The following TMTC4 variants were observed in gnomAD, a reference collection of about 807,000 sequenced individuals.
TMTC4 encodes the protein protein O-mannosyl-transferase TMTC4.
TMTC4 carries 65 observed loss-of-function variants against 86.0 expected under a neutral mutation model. That is an observed-to-expected ratio of 0.76 (90% confidence interval 0.62 to 0.93). The LOEUF (loss-of-function observed/expected upper bound fraction) is 0.93, where lower values mean the gene tolerates loss of function less well. Among genes scored for constraint, TMTC4 ranks in the 40% least tolerant of loss-of-function variants. The pLI, the probability that TMTC4 is intolerant of heterozygous loss-of-function variation, is 0.00. For missense variants in TMTC4, 866 were observed against 948.1 expected (o/e 0.91, Z 1.14); for synonymous variants, 379 against 382.5 (o/e 0.99, Z 0.11).
chr13:100,609,696 C>CACAT (rs1877255180), intron 17 of TMTC4, among the ~76,000 whole-genome samples: 1 of 151,854 alleles, frequency 6.6e-6, no homozygotes, highest in African/African-American at 2.4e-5. Flanking sequence ...CACACACACA[C>CACAT]ACACACCCAT....
chr13:100,659,855 G>A (rs936987696), intron 5 of TMTC4, among the ~76,000 whole-genome samples: 11 of 148,682 alleles, frequency 7.4e-5, no homozygotes, highest in African/African-American at 2.8e-4. Flanking sequence ...GGCTGTCGTT[G>A]CTTTAAAATG....
chr13:100,619,852 A>G (rs1396737279), intron 15 of TMTC4, among the ~76,000 whole-genome samples: 2 of 152,364 alleles, frequency 1.3e-5, no homozygotes, highest in Non-Finnish European at 2.9e-5. Context: ...TATGCATTTG[A>G]GTCACTTGGA....
At position 100,621,221 on chromosome 13, in the gene TMTC4, G is replaced by A. The variant is rs1325235591; in HGVS notation, c.1836+4314C>T. Among the ~76,000 whole-genome samples the A allele has an allele frequency of 2.0e-5, 3 of 152,230 alleles. No individual in the cohort carries two copies. In the East Asian group the frequency reaches 5.8e-4, roughly 29 times the overall value. The stretch of plus-strand genomic sequence containing the variant: ...CCTTTGGACATCATTCTTACAGAAG[G>A]AGCATTTATTATAAATCCTCTATTT... On this transcript the variant is annotated intron_variant, in intron 15 of 18. Transcript: ENST00000342624.
chr13:100,664,484 C>T (rs1886173215), intron 3 of TMTC4, 148 bp from the exon 4 acceptor site: 1 of 560,396 alleles, frequency 1.8e-6, no homozygotes, highest in Non-Finnish European at 3.2e-6. Context: ...TCGAAATACA[C>T]ATGGGCTCAC....
intron 15 of TMTC4, among the ~76,000 whole-genome samples, chr13:100,622,345 A>G (rs1879640793): frequency 6.6e-6 from 1 of 152,130 alleles, no homozygotes; most frequent in Non-Finnish European, 1.5e-5. Context: ...ATCATAACTG[A>G]AACATGTTTT....
chr13:100,610,792 T>C (rs1406787219), intron 17 of TMTC4, among the ~76,000 whole-genome samples: 1 of 152,182 alleles, frequency 6.6e-6, no homozygotes, highest in East Asian at 1.9e-4. Context: ...ATAAGCCAAG[T>C]CTTCAAGAAG....
intron 15 of TMTC4, among the ~76,000 whole-genome samples, chr13:100,619,813 T>G (rs1246676529): frequency 6.6e-6 from 1 of 152,236 alleles, no homozygotes; most frequent in Non-Finnish European, 1.5e-5. Context: ...TTCCAGTGAT[T>G]CCTCAGATCA....
intron 17 of TMTC4, among the ~76,000 whole-genome samples, chr13:100,606,670 C>T (rs1876665870): frequency 1.3e-5 from 2 of 152,180 alleles, no homozygotes; most frequent in African/African-American, 4.8e-5. Flanking sequence ...CCACCACCTG[C>T]CTCCCTGCAG....
Position 100,636,579 on chromosome 13 carries a change from A to C in TMTC4, c.1155T>G (p.Ile385Met), listed in dbSNP as rs1283102843. The C allele has an allele frequency of 2.5e-6, 4 of 1,614,244 alleles. No homozygotes were observed. The highest frequency in any genetic ancestry group is 1.7e-4 in the Middle Eastern group (1 of 6,058). ...IALAALWFCL[I>M]GLICQALCSE... ...AGCACAGGGCTTGGCATATCAGGCC[A>C]ATTAGGCAGAACCAGAGTGCTGCAA... The change falls in exon 10 of 19, where the codon ATT becomes ATG. Residue 385 changes from isoleucine to methionine, a missense_variant. By Grantham distance (10) the Ile-to-Met change is conservative. Coordinates refer to ENST00000342624, the MANE Select transcript of TMTC4 (RefSeq NM_032813.5).
At chr13:100,673,921 G>A in intron 1 of TMTC4, 1 of 544,664 alleles carries the variant, frequency 1.8e-6, no homozygotes, top group Non-Finnish European at 2.3e-6. Context: ...TTCTCCCCAT[G>A]CATTTATTTG....
chr13:100,666,786 TG>T (rs1407446172), intron 3 of TMTC4, among the ~76,000 whole-genome samples: 4 of 152,080 alleles, frequency 2.6e-5, no homozygotes, highest in African/African-American at 9.7e-5. Flanking sequence ...TCAGGCCAGG[TG>T]AGATCAACCA....
At position 100,605,986 on chromosome 13, in the gene TMTC4, G is replaced by C. The variant is rs548727744; in HGVS notation, c.2134+372C>G. Among the ~76,000 whole-genome samples, 35 of 152,324 alleles carry C rather than the reference G, an allele frequency of 2.3e-4. No individual in the cohort carries two copies. Among genetic ancestry groups the C allele is most frequent in the African/African-American group, 7.0e-4 (29 of 41,574 alleles). On this transcript the variant is annotated intron_variant, in intron 18 of 18. Transcript: ENST00000342624. The surrounding 1 kb of genome is among the most constrained non-coding windows in gnomAD (Gnocchi z 4.3). ...GAAGGTCTACTCTGTAAGAAGGAAGGAAAAGGAGGTAAGTTCAATGGCAAG... is the reference window on the plus strand; with the variant it reads ...GAAGGTCTACTCTGTAAGAAGGAAGCAAAAGGAGGTAAGTTCAATGGCAAG...
intron 1 of TMTC4, among the ~76,000 whole-genome samples, chr13:100,672,648 G>A (rs1235517997): frequency 6.6e-6 from 1 of 152,126 alleles, no homozygotes; most frequent in African/African-American, 2.4e-5. Flanking sequence ...ATGCCACCAT[G>A]CCTGGCTATT....
At chr13:100,672,156 T>G (rs1036237050) in intron 1 of TMTC4, among the ~76,000 whole-genome samples, 1 of 152,196 alleles carries the variant, frequency 6.6e-6, no homozygotes, top group Non-Finnish European at 1.5e-5. Context: ...AGCCGCTGCT[T>G]CCCAGTCCCT....
chr13:100,673,873 G>A (rs1887464557), intron 1 of TMTC4, among the ~76,000 whole-genome samples: 1 of 152,110 alleles, frequency 6.6e-6, no homozygotes, highest in South Asian at 2.1e-4. Flanking sequence ...ACAGGGAGGG[G>A]ACCTAGTCAG....
chr13:100,640,308 A>G (rs530289444), intron 7 of TMTC4, among the ~76,000 whole-genome samples: 52 of 152,146 alleles, frequency 3.4e-4, no homozygotes, highest in Non-Finnish European at 6.5e-4. Context: ...CCCCCACAAG[A>G]AAGAACTGTC....
chr13:100,622,933 G>A (rs1373457951), intron 15 of TMTC4, among the ~76,000 whole-genome samples: 2 of 152,110 alleles, frequency 1.3e-5, no homozygotes, highest in African/African-American at 2.4e-5. Flanking sequence ...TTAGCCAGAC[G>A]TTCCTGCTAT....
At chr13:100,627,499 C>T (rs528224268) in intron 12 of TMTC4, among the ~76,000 whole-genome samples, 3 of 152,242 alleles carry the variant, frequency 2.0e-5, no homozygotes, top group South Asian at 2.1e-4. Flanking sequence ...CCATAATTTC[C>T]GGCTTGCAGA....
intron 5 of TMTC4, among the ~76,000 whole-genome samples, chr13:100,662,467 C>A (rs2791678): frequency 0.71 from 107,837 of 151,808 alleles, 39,272 homozygotes; most frequent in East Asian, 0.96. Flanking sequence ...GTACTAGCCC[C>A]GCTGATGTCA....
Sources: allele counts gnomAD v4.1 joint callset (sites outside exome capture counted in the v4.1 genomes callset), GRCh38; gene constraint gnomAD v4.1.1; non-coding constraint Gnocchi (gnomAD v3.1); transcripts MANE v1.5; gene names NCBI Gene and HGNC (gene_info 2026-07-23, HGNC 2026-07-21).